Variants in DAB1 observed in about 807,000 individuals in gnomAD.
The protein encoded by DAB1 is disabled homolog 1.
Under a neutral mutation model 64.6 loss-of-function variants are expected in DAB1, and 15 were observed. The ratio of observed to expected loss-of-function variants is 0.23; its 90% CI spans 0.16 to 0.36. DAB1 has a LOEUF of 0.36. Ranked by LOEUF, DAB1 falls within the 10% of genes least tolerant of loss-of-function variation. The probability of loss-of-function intolerance (pLI) is 1.00; values close to 1 mark genes in which losing one functional copy is unlikely to be tolerated. For missense variants in DAB1, 596 were observed against 706.7 expected (o/e 0.84, Z 1.78); for synonymous variants, 235 against 251.9 (o/e 0.93, Z 0.64).
upstream of DAB1, among the ~76,000 whole-genome samples, chr1:57,427,000 A>C (rs199681972): frequency 5.3e-5 from 8 of 151,642 alleles, no homozygotes; most frequent in East Asian, 1.5e-3. Context: ...AGTAGCTGGG[A>C]CTACAGGAGC....
intron 11 of DAB1, among the ~76,000 whole-genome samples, chr1:57,018,643 G>A (rs1646510465): frequency 6.6e-6 from 1 of 152,134 alleles, no homozygotes; most frequent in Non-Finnish European, 1.5e-5. Context: ...GCCCATTTTG[G>A]TGAATGAGTG....
chr1:57,424,802 A>T (rs1276342534), upstream of DAB1, among the ~76,000 whole-genome samples: 1 of 152,112 alleles, frequency 6.6e-6, no homozygotes, highest in Admixed American at 6.5e-5. Flanking sequence ...GAAGGCTGGC[A>T]CGTGTCAAGT....
At chr1:57,222,112 CT>C (rs558490995) in intron 2 of DAB1, among the ~76,000 whole-genome samples, 2,344 of 151,894 alleles carry the variant, frequency 0.015, 35 homozygotes, top group South Asian at 0.024. Context: ...GTTATTGTTC[CT>C]TTTTTTTCTT....
In DAB1 at chr1:58,149,301, G is replaced by C. The variant is rs989545665; in HGVS notation, n.387+1210C>G. ...CCTCCAAGAAGGAGGAAGAACATAA[G>C]TGTTGATTATTATCATATAATTATA... On this transcript the variant is annotated intron_variant and non_coding_transcript_variant, in intron 5 of 20. Coordinates refer to the DAB1 transcript ENST00000485760. 2.2e-4 allele frequency among the ~76,000 whole-genome samples: 33 copies of C among 152,160 alleles called. 1 individual carries two copies. Among genetic ancestry groups the C allele is most frequent in the African/African-American group, 6.5e-4 (27 of 41,444 alleles).
Position 57,705,482 on chromosome 1 carries a change from C to A in DAB1, n.552-55817G>T, listed in dbSNP as rs1235634722. Among the ~76,000 whole-genome samples, 6 of 152,116 alleles carry A rather than the reference C, an allele frequency of 3.9e-5. No homozygotes were observed. In the South Asian group the frequency reaches 1.2e-3, roughly 32 times the overall value. On this transcript the variant is annotated intron_variant and non_coding_transcript_variant, in intron 6 of 20. Coordinates refer to the DAB1 transcript ENST00000485760. ...TTTACATTGCATTAAAAATATATTT[C>A]TCCTTCATTTCTCTTTTCTGTTGGA...
At position 58,264,540 on chromosome 1, in the gene DAB1, T is replaced by C. The variant is rs151116568; in HGVS notation, n.309+78812A>G. ...TCAAGTTCAGACTTGGTTTTCCCAATTGGTTGCTGGCTTTCCTCCACGTGA... is the reference window on the plus strand; with the variant it reads ...TCAAGTTCAGACTTGGTTTTCCCAACTGGTTGCTGGCTTTCCTCCACGTGA... On this transcript the variant is annotated intron_variant and non_coding_transcript_variant, in intron 4 of 20. Coordinates refer to the DAB1 transcript ENST00000485760. 1.9e-4 allele frequency among the ~76,000 whole-genome samples: 29 copies of C among 152,336 alleles called. No individual in the cohort carries two copies. In the East Asian group the frequency reaches 5.2e-3, roughly 27 times the overall value.
At chr1:57,217,706 G>A (rs979516651) in intron 2 of DAB1, among the ~76,000 whole-genome samples, 1 of 152,068 alleles carries the variant, frequency 6.6e-6, no homozygotes, top group Non-Finnish European at 1.5e-5. Context: ...TGATAAAACT[G>A]TTCACCCTAA....
chr1:58,109,262 T>C (rs1360010355), intron 5 of DAB1, among the ~76,000 whole-genome samples: 1 of 152,218 alleles, frequency 6.6e-6, no homozygotes, highest in Non-Finnish European at 1.5e-5. Context: ...TGTGAGCATA[T>C]GCATACCAGG....
intron 7 of DAB1, among the ~76,000 whole-genome samples, chr1:57,636,146 A>G (rs987528310): frequency 2.0e-5 from 3 of 151,422 alleles, no homozygotes; most frequent in African/African-American, 7.3e-5. Context: ...TTATAAGAAA[A>G]TGAAAACACT....
intron 7 of DAB1, among the ~76,000 whole-genome samples, chr1:57,534,054 T>C (rs909001968): frequency 6.6e-6 from 1 of 152,006 alleles, no homozygotes; most frequent in Non-Finnish European, 1.5e-5. Context: ...TATTTTGAGA[T>C]GGAAAAGAAG....
At chr1:57,985,172 T>A (rs1441967321) in intron 5 of DAB1, among the ~76,000 whole-genome samples, 1 of 152,216 alleles carries the variant, frequency 6.6e-6, no homozygotes, top group Non-Finnish European at 1.5e-5. Flanking sequence ...CCTCCCAAAG[T>A]GCTGGGGTCG....
intron 7 of DAB1, among the ~76,000 whole-genome samples, chr1:57,441,574 G>A (rs1020890277): frequency 1.8e-4 from 27 of 151,978 alleles, no homozygotes; most frequent in Admixed American, 2.6e-4. Context: ...GGCTGGTCTC[G>A]AACTCCTGAG....
intron 3 of DAB1, among the ~76,000 whole-genome samples, chr1:58,486,947 C>T (rs1042335564): frequency 1.3e-5 from 2 of 152,168 alleles, no homozygotes; most frequent in Non-Finnish European, 2.9e-5. Context: ...GGCCAAATTA[C>T]GTGCCTGGAA....
In DAB1 at chr1:57,295,422, T is replaced by C. The variant is rs147629749; in HGVS notation, c.-136-4256A>G. 3.3e-3 allele frequency among the ~76,000 whole-genome samples: 508 copies of C among 152,312 alleles called. 1 individual carries two copies. The highest frequency in any genetic ancestry group is 5.1e-3 in the Non-Finnish European group (350 of 67,998). ...TTAAAACTGTATGTCACAATTGGCA[T>C]GTTTTATGATTCGATATCTTAGACT... On this transcript the variant is annotated intron_variant, in intron 1 of 14. Coordinates refer to ENST00000371236, the MANE Select transcript of DAB1 (RefSeq NM_001365792.1).
At chr1:57,011,866 C>T (rs556031640) in intron 12 of DAB1, among the ~76,000 whole-genome samples, 1 of 152,290 alleles carries the variant, frequency 6.6e-6, no homozygotes, top group South Asian at 2.1e-4. Context: ...GAACCAGATT[C>T]TGAATCCTGG....
chr1:58,351,777 TC>T (rs1359805451), intron 3 of DAB1, among the ~76,000 whole-genome samples: 1 of 149,974 alleles, frequency 6.7e-6, no homozygotes, highest in Non-Finnish European at 1.5e-5. Flanking sequence ...GGTTAAAAGA[TC>T]AATGTTAATC....
At chr1:58,220,183 G>A (rs2100320597) in intron 4 of DAB1, among the ~76,000 whole-genome samples, 1 of 152,310 alleles carries the variant, frequency 6.6e-6, no homozygotes, top group African/African-American at 2.4e-5. Context: ...GCAAAAGATG[G>A]TTGAAAATTT....
At chr1:57,843,197 C>T (rs887793025) in intron 1 of DAB1, among the ~76,000 whole-genome samples, 3 of 152,246 alleles carry the variant, frequency 2.0e-5, no homozygotes, top group South Asian at 4.1e-4. Context: ...GGACCATTCA[C>T]ATCTTATTTC....
At chr1:58,450,610 C>T (rs949998580) in intron 3 of DAB1, among the ~76,000 whole-genome samples, 2 of 152,042 alleles carry the variant, frequency 1.3e-5, no homozygotes, top group Non-Finnish European at 2.9e-5. Context: ...AAAAATTAGC[C>T]GGGCGTGGTG....
Sources: gnomAD v4.1 joint callset for allele counts (sites outside exome capture counted in the v4.1 genomes callset) on GRCh38, gnomAD v4.1.1 for gene constraint, MANE v1.5 for transcripts, NCBI Gene and HGNC (gene_info 2026-07-23, HGNC 2026-07-21) for gene names.